The following MYO3A variants were observed in gnomAD, a reference collection of about 807,000 sequenced individuals.
MYO3A encodes myosin IIIA, also known as myosin-IIIa.
Under a neutral mutation model 192.7 loss-of-function variants are expected in MYO3A, and 180 were observed. That is an observed-to-expected ratio of 0.93 (90% CI 0.83 to 1.06). The LOEUF (loss-of-function observed/expected upper bound fraction) is 1.06, where lower values mean the gene tolerates loss of function less well. MYO3A is among the 50% of genes least tolerant of loss of function. MYO3A has a pLI of 0.00. For missense variants in MYO3A, 1,896 were observed against 1,905.0 expected, an observed-to-expected ratio of 1.00 and a Z score of 0.09; for synonymous variants, 628 against 645.3, an observed-to-expected ratio of 0.97 and a Z score of 0.41.
chr10:26,154,559 A>G (rs761107245), intron 24 of MYO3A, among the ~76,000 whole-genome samples, 187 bp from the exon 25 acceptor site: 10 of 152,260 alleles, frequency 6.6e-5, no homozygotes, highest in African/African-American at 1.7e-4. Flanking sequence ...CACAGTCTAC[A>G]TAAGACCAAT....
rs577350405 is a variant in MYO3A at position 26,179,299 on chromosome 10, T to C, written c.4438+2454T>C. On this transcript the variant is annotated intron_variant, in intron 31 of 34. Coordinates refer to ENST00000642920, the MANE Select transcript of MYO3A (RefSeq NM_017433.5). ...TTTTTTTTTATTAGAGACTGGGTTT[T>C]ACCATGTTGGCCAGGCTGACCTCAA... Among the ~76,000 whole-genome samples, 19 of 151,650 alleles carry C rather than the reference T, an allele frequency of 1.3e-4. No individual in the cohort carries two copies. The South Asian group carries it at 4.0e-3, about 32-fold the overall frequency.
intron 17 of MYO3A, among the ~76,000 whole-genome samples, chr10:26,109,593 TC>T (rs1838035260): frequency 6.6e-6 from 1 of 152,110 alleles, no homozygotes; most frequent in Admixed American, 6.6e-5. Flanking sequence ...CCACTGGAGG[TC>T]TTGGGAGGTA....
At chr10:26,166,029 T>G (rs770688394) in intron 26 of MYO3A, 38 bp from the exon 27 acceptor site, 7 of 1,548,094 alleles carry the variant, frequency 4.5e-6, no homozygotes, top group African/African-American at 1.4e-5. Flanking sequence ...ATGTTGGCAC[T>G]TTATGCAATA....
At chr10:25,955,135 T>A (rs2130584538) in intron 4 of MYO3A, 127 bp downstream of exon 4, 1 of 1,371,694 alleles carries the variant, frequency 7.3e-7, no homozygotes, top group Admixed American at 1.7e-5. Context: ...CAGCCATGAA[T>A]GTTGTGCCTA....
In MYO3A at chr10:26,018,284, T is replaced by C. The variant is rs16926537; in HGVS notation, c.585+1388T>C. On this transcript the variant is annotated intron_variant, in intron 7 of 34. Transcript: ENST00000642920. ...TTTTTCAAGCTGTCATGGAAATACA[T>C]GTTTGAGATTTTGTTCATATTATAT... Among the ~76,000 whole-genome samples the C allele has an allele frequency of 6.9e-3, 1,046 of 151,490 alleles. 14 individuals carry two copies. The highest frequency in any genetic ancestry group is 0.024 in the African/African-American group (1,000 of 41,274).
chr10:26,117,129 G>T (rs1272448969), intron 17 of MYO3A, among the ~76,000 whole-genome samples: 1 of 152,098 alleles, frequency 6.6e-6, no homozygotes, highest in Non-Finnish European at 1.5e-5. Flanking sequence ...GAATTTTTCT[G>T]CAGGTTTGGG....
At chr10:26,095,774 T>C (rs1836981505) in intron 15 of MYO3A, among the ~76,000 whole-genome samples, 1 of 152,170 alleles carries the variant, frequency 6.6e-6, no homozygotes, top group Non-Finnish European at 1.5e-5. Flanking sequence ...TTGAGACTTA[T>C]AAGAAAGAGA....
intron 4 of MYO3A, among the ~76,000 whole-genome samples, chr10:25,990,925 G>A (rs796942026): frequency 6.6e-6 from 1 of 152,008 alleles, no homozygotes; most frequent in South Asian, 2.1e-4. Context: ...TTGGACATTT[G>A]GGTTGGTTCC....
chr10:26,055,422 C>CAA (rs113466867), intron 10 of MYO3A, among the ~76,000 whole-genome samples: 1 of 151,782 alleles, frequency 6.6e-6, no homozygotes, highest in Non-Finnish European at 1.5e-5. Context: ...TAGGAAAATA[C>CAA]AGAAAATATC....
intron 10 of MYO3A, among the ~76,000 whole-genome samples, chr10:26,036,400 G>A (rs1208351543): frequency 6.6e-6 from 1 of 152,096 alleles, no homozygotes; most frequent in Admixed American, 6.5e-5. Flanking sequence ...ACATAGTGAT[G>A]TTTTCATTTC....
chr10:26,070,439 T>A, intron 14 of MYO3A, 38 bp downstream of exon 14: 1 of 1,536,080 alleles, frequency 6.5e-7, no homozygotes. Context: ...TCAGAAATAT[T>A]TGTTGAATTT....
In MYO3A at chr10:26,107,449, C is replaced by G. The variant is rs930322340; in HGVS notation, c.1776+10767C>G. Among the ~76,000 whole-genome samples the G allele has an allele frequency of 2.1e-4, 32 of 149,138 alleles. No homozygotes were observed. The East Asian group carries it at 6.1e-3, about 28-fold the overall frequency. On this transcript the variant is annotated intron_variant, in intron 17 of 34. Coordinates refer to ENST00000642920, the MANE Select transcript of MYO3A (RefSeq NM_017433.5). ...CGAGCCAAGATCACACCATTGCACT[C>G]CAGCCTGGGCGAAAAGAGTGAAACA... is the stretch of plus-strand genomic sequence containing the variant.
At chr10:26,097,501 A>T (rs1818747) in intron 17 of MYO3A, among the ~76,000 whole-genome samples, 57,332 of 151,744 alleles carry the variant, frequency 0.38, 11,286 homozygotes, top group Middle Eastern at 0.51. Context: ...CTCGTCATTT[A>T]CATTAGGTAT....
chr10:26,145,558 C>G, intron 22 of MYO3A, 24 bp downstream of exon 22: 4 of 1,495,306 alleles, frequency 2.7e-6, no homozygotes, highest in Non-Finnish European at 3.7e-6. Flanking sequence ...AGAATTATGA[C>G]TGAGTTTCTC....
intron 10 of MYO3A, among the ~76,000 whole-genome samples, chr10:26,051,442 A>G (rs575185801): frequency 1.2e-4 from 18 of 151,556 alleles, no homozygotes; most frequent in Non-Finnish European, 2.2e-4. Context: ...AATCGTTGCT[A>G]CTGGCTTGTA....
chr10:26,126,143 G>C lies in MYO3A; in HGVS notation c.2114+535G>C, dbSNP rs545997332. Among the ~76,000 whole-genome samples, 8 of 152,254 alleles carry C rather than the reference G, an allele frequency of 5.3e-5. No homozygotes were observed. The South Asian group carries it at 1.5e-3, about 28-fold the overall frequency. On this transcript the variant is annotated intron_variant, in intron 19 of 34. Coordinates refer to ENST00000642920, the MANE Select transcript of MYO3A (RefSeq NM_017433.5). ...AGTAAATGGCAGGGCCATGATGTAA[G>C]CATTGTTATCTGACTGTAAGTCTAG...
At chr10:26,131,237 G>A (rs1202074234) in intron 20 of MYO3A, among the ~76,000 whole-genome samples, 4 of 152,094 alleles carry the variant, frequency 2.6e-5, no homozygotes, top group African/African-American at 4.8e-5. Flanking sequence ...CAGTGTATTT[G>A]TAATAGACAG....
chr10:26,063,150 C>T (rs12244889), intron 10 of MYO3A, among the ~76,000 whole-genome samples: 71,644 of 151,530 alleles, frequency 0.47, 17,748 homozygotes, highest in Middle Eastern at 0.59. Context: ...ATCTGCAACA[C>T]TGGAGCTGAA....
chr10:25,968,092 A>G (rs1416030174), intron 4 of MYO3A, among the ~76,000 whole-genome samples: 1 of 152,204 alleles, frequency 6.6e-6, no homozygotes, highest in African/African-American at 2.4e-5. Context: ...AAATCACTCA[A>G]GTATGAGAAA....
Sources: gnomAD v4.1 joint callset for allele counts (sites outside exome capture counted in the v4.1 genomes callset) on GRCh38, gnomAD v4.1.1 for gene constraint, MANE v1.5 for transcripts, NCBI Gene and HGNC (gene_info 2026-07-23, HGNC 2026-07-21) for gene names.